LRRTM4: variants seen among roughly 807,000 people sequenced by gnomAD.
LRRTM4 encodes leucine rich repeat transmembrane neuronal 4, also known as leucine-rich repeat transmembrane neuronal protein 4.
In LRRTM4, 25 loss-of-function variants were observed where a neutral mutation model predicts 47.6. That is an observed-to-expected ratio of 0.53 (90% CI 0.38 to 0.73). The LOEUF (loss-of-function observed/expected upper bound fraction) is 0.73, where lower values mean the gene tolerates loss of function less well. LRRTM4 is among the 30% of genes least tolerant of loss of function. LRRTM4 has a pLI of 0.00. For synonymous variants in LRRTM4, 311 were observed against 269.5 expected (o/e 1.15, Z -1.51); for missense variants, 638 against 713.4 (o/e 0.89, Z 1.20).
At chr2:77,114,917 G>A (rs988484790) in intron 3 of LRRTM4, among the ~76,000 whole-genome samples, 1 of 152,098 alleles carries the variant, frequency 6.6e-6, no homozygotes, top group Admixed American at 6.6e-5. Context: ...TGCATGCATT[G>A]TCTTGATAAA....
intron 3 of LRRTM4, among the ~76,000 whole-genome samples, chr2:77,100,821 A>G (rs72911826): frequency 9.2e-5 from 14 of 151,354 alleles, no homozygotes; most frequent in African/African-American, 3.4e-4. Context: ...GTTCAATGTA[A>G]GCTTCTATTA....
intron 3 of LRRTM4, among the ~76,000 whole-genome samples, chr2:76,981,220 C>A (rs576822310): frequency 6.6e-6 from 1 of 152,078 alleles, no homozygotes; most frequent in Non-Finnish European, 1.5e-5. Flanking sequence ...GTGGGAAATA[C>A]GGACATGTGA....
chr2:77,134,161 A>G (rs1206605368), intron 3 of LRRTM4, among the ~76,000 whole-genome samples: 1 of 152,124 alleles, frequency 6.6e-6, no homozygotes, highest in African/African-American at 2.4e-5. Context: ...AATTTCTATA[A>G]TCAAGAGCTG....
chr2:77,417,775 G>T (rs116524737), intron 3 of LRRTM4, among the ~76,000 whole-genome samples: 4 of 151,394 alleles, frequency 2.6e-5, no homozygotes, highest in Admixed American at 1.3e-4. Flanking sequence ...GGGGGGGAAG[G>T]GGGGAGGAAT....
chr2:77,106,237 T>A lies in LRRTM4; in HGVS notation c.1552-357321A>T, dbSNP rs189065103. On this transcript the variant is annotated intron_variant, in intron 3 of 3. Coordinates refer to ENST00000409884, the MANE Select transcript of LRRTM4 (RefSeq NM_001134745.3). Reference sequence around the variant, plus strand: ...ACAACTTCACTATTATATAAAACAATCTCTTTAAAATGTAGGTATTGGTTC... The same window carrying A: ...ACAACTTCACTATTATATAAAACAAACTCTTTAAAATGTAGGTATTGGTTC... Among the ~76,000 whole-genome samples, 3 of 152,286 alleles carry A rather than the reference T, an allele frequency of 2.0e-5. No homozygotes were observed. In the East Asian group the frequency reaches 5.8e-4, roughly 29 times the overall value.
intron 3 of LRRTM4, among the ~76,000 whole-genome samples, chr2:76,790,035 CT>C (rs1431133562): frequency 1.3e-5 from 2 of 152,132 alleles, no homozygotes; most frequent in Non-Finnish European, 2.9e-5. Context: ...TAAATGTTCC[CT>C]CTTGTTCATT....
intron 3 of LRRTM4, among the ~76,000 whole-genome samples, chr2:77,038,313 A>C (rs1678904272): frequency 6.6e-6 from 1 of 151,612 alleles, no homozygotes; most frequent in African/African-American, 2.4e-5. Flanking sequence ...TGCTGTGAAC[A>C]GTCAGGCACA....
chr2:76,985,705 A>T (rs1008511519), intron 3 of LRRTM4, among the ~76,000 whole-genome samples: 1 of 152,036 alleles, frequency 6.6e-6, no homozygotes, highest in Admixed American at 6.6e-5. Flanking sequence ...AGGAGATAAA[A>T]TCTAATGCTT....
intron 3 of LRRTM4, among the ~76,000 whole-genome samples, chr2:76,908,243 C>G (rs1313689943): frequency 6.6e-6 from 1 of 151,804 alleles, no homozygotes; most frequent in East Asian, 1.9e-4. Flanking sequence ...AGACAAAAAC[C>G]ACATGATTAT....
At chr2:76,782,133 G>T (rs114856726) in intron 3 of LRRTM4, among the ~76,000 whole-genome samples, 1,906 of 152,074 alleles carry the variant, frequency 0.013, 43 homozygotes, top group African/African-American at 0.042. Context: ...TCTTGCACCC[G>T]CATAAAAGCT....
intron 3 of LRRTM4, among the ~76,000 whole-genome samples, chr2:76,933,090 T>C (rs1443347115): frequency 6.6e-6 from 1 of 152,088 alleles, no homozygotes; most frequent in Non-Finnish European, 1.5e-5. Context: ...TTAAGATAGA[T>C]AATATTGAAC....
intron 3 of LRRTM4, among the ~76,000 whole-genome samples, chr2:76,779,364 TAA>T (rs1480037186): frequency 2.0e-5 from 3 of 151,066 alleles, no homozygotes; most frequent in African/African-American, 7.3e-5. Flanking sequence ...AGTGGGGTGT[TAA>T]AGTCTCCCAT....
chr2:77,170,280 G>C (rs1673009840), intron 3 of LRRTM4, among the ~76,000 whole-genome samples: 1 of 152,162 alleles, frequency 6.6e-6, no homozygotes, highest in Non-Finnish European at 1.5e-5. Flanking sequence ...TTCTAGCTTT[G>C]AAGATGGAAG....
At chr2:77,217,440 A>AATAT (rs34070418) in intron 3 of LRRTM4, among the ~76,000 whole-genome samples, 2,138 of 76,770 alleles carry the variant, frequency 0.028, 151 homozygotes, top group South Asian at 0.087. Flanking sequence ...CTCCAAATGA[A>AATAT]ATATATATAT....
intron 3 of LRRTM4, among the ~76,000 whole-genome samples, chr2:77,069,223 C>T (rs938450495): frequency 6.6e-6 from 1 of 151,960 alleles, no homozygotes; most frequent in Non-Finnish European, 1.5e-5. Flanking sequence ...AGGGTCTCCC[C>T]GACCGAGTTG....
intron 3 of LRRTM4, among the ~76,000 whole-genome samples, chr2:77,452,101 T>C (rs1383217438): frequency 1.3e-5 from 2 of 152,142 alleles, no homozygotes; most frequent in East Asian, 3.8e-4. Flanking sequence ...TCACATTAAA[T>C]GCAATGGAAA....
chr2:77,222,561 A>G (rs1182741145), intron 3 of LRRTM4, among the ~76,000 whole-genome samples: 1 of 152,236 alleles, frequency 6.6e-6, no homozygotes, highest in Non-Finnish European at 1.5e-5. Context: ...AACTATCATC[A>G]GAGAATACTC....
chr2:76,822,674 G>A (rs1301132962), intron 3 of LRRTM4, among the ~76,000 whole-genome samples: 1 of 151,526 alleles, frequency 6.6e-6, no homozygotes, highest in African/African-American at 2.4e-5. Context: ...GGACAAAGGA[G>A]AAATTAGTTA....
chr2:77,110,467 T>C (rs115172309), intron 3 of LRRTM4, among the ~76,000 whole-genome samples: 2,072 of 152,276 alleles, frequency 0.014, 45 homozygotes, highest in African/African-American at 0.047. Context: ...GAAGTTGAAA[T>C]TTATGCAAAC....
Sources: gnomAD v4.1 joint callset for allele counts (sites outside exome capture counted in the v4.1 genomes callset) on GRCh38, gnomAD v4.1.1 for gene constraint, MANE v1.5 for transcripts, NCBI Gene and HGNC (gene_info 2026-07-23, HGNC 2026-07-21) for gene names.